Variants in CEP164 observed in about 807,000 individuals in gnomAD.
The protein encoded by CEP164 is centrosomal protein 164.
Under a neutral mutation model 182.7 loss-of-function variants are expected in CEP164, and 162 were observed. The ratio of observed to expected loss-of-function variants is 0.89; its 90% CI spans 0.78 to 1.01. The LOEUF is 1.01. CEP164 is among the 50% of genes least tolerant of loss of function. The pLI, the probability that CEP164 is intolerant of heterozygous loss-of-function variation, is 0.00. For missense variants in CEP164, 1,735 were observed against 1,790.4 expected (o/e 0.97, Z 0.56); for synonymous variants, 661 against 690.0 (o/e 0.96, Z 0.66).
At chr11:117,365,176 A>G (rs749521434) in intron 8 of CEP164, among the ~76,000 whole-genome samples, 35 of 152,256 alleles carry the variant, frequency 2.3e-4, no homozygotes, top group Admixed American at 1.1e-3. Context: ...TGGAGGAAGA[A>G]GACAATCTCT....
chr11:117,402,654 A>G (rs1188124702), intron 27 of CEP164, among the ~76,000 whole-genome samples: 1 of 152,192 alleles, frequency 6.6e-6, no homozygotes, highest in Non-Finnish European at 1.5e-5. Context: ...TAGAATAAGC[A>G]CTATGTGGTG....
chr11:117,393,684 T>C (rs1415658431), intron 20 of CEP164, among the ~76,000 whole-genome samples: 1 of 152,238 alleles, frequency 6.6e-6, no homozygotes, highest in African/African-American at 2.4e-5. Flanking sequence ...TGCAATGCTG[T>C]GTCACCAGGG....
chr11:117,329,522 A>G (rs1008524180), intron 1 of CEP164, among the ~76,000 whole-genome samples: 4 of 151,972 alleles, frequency 2.6e-5, no homozygotes, highest in African/African-American at 9.7e-5. Context: ...ATTAGCTGTG[A>G]CACCTTGGGC....
intron 5 of CEP164, 49 bp from the exon 6 acceptor site, chr11:117,361,786 A>C: frequency 1.1e-5 from 17 of 1,606,388 alleles, no homozygotes; most frequent in Non-Finnish European, 1.4e-5. Context: ...CGACACTCCC[A>C]GAGCCACCTG....
At chr11:117,374,563 A>G (rs2042543118) in intron 10 of CEP164, among the ~76,000 whole-genome samples, 1 of 152,208 alleles carries the variant, frequency 6.6e-6, no homozygotes, top group Admixed American at 6.5e-5. Flanking sequence ...CCATGGGCTT[A>G]GAAGGCAGAT....
In CEP164 at chr11:117,408,121, G is replaced by T. The variant is rs183760303; in HGVS notation, c.3609+89G>T. ...GTTGAGTTCTTTGGTCCTGCATCCG[G>T]GGGAGTTGGGCCTCTAGGGCCCAGG... On this transcript the variant is annotated intron_variant, in intron 28 of 32. Transcript: ENST00000278935. 7.5e-4 allele frequency: 715 copies of T among 959,204 alleles called. 3 individuals are homozygous for T. In the African/African-American group the frequency reaches 0.01, roughly 14 times the overall value. The allele number at this position is 959,204 out of a possible 1,614,324, so 59.4% of individuals were successfully genotyped here.
At chr11:117,326,422 G>A (rs375760684), upstream of CEP164, among the ~76,000 whole-genome samples, 171 of 151,370 alleles carry the variant, frequency 1.1e-3, no homozygotes, top group African/African-American at 4.1e-3. Context: ...TAGTAGAGAC[G>A]GGGTTTCATC....
At chr11:117,399,592 T>C (rs552729333) in intron 27 of CEP164, among the ~76,000 whole-genome samples, 1 of 152,216 alleles carries the variant, frequency 6.6e-6, no homozygotes, top group African/African-American at 2.4e-5. Context: ...TAATTTATGC[T>C]TACACCAACA....
chr11:117,380,684 A>C lies in CEP164; in HGVS notation c.1388A>C (p.Gln463Pro). The change falls in exon 12 of 33, where the codon CAG (glutamine) becomes CCG (proline). Residue 463 changes from glutamine (Q) to proline (P), a missense_variant. Coordinates refer to ENST00000278935, the MANE Select transcript of CEP164 (RefSeq NM_014956.5). ...QSSQDELQSK[Q>P]SKGLEERLSP... Reference sequence around the variant, plus strand: ...AGCCAAGATGAGCTGCAGAGCAAGCAGTCCAAAGGCCTGGAGGAGAGGTAC... The same window carrying C: ...AGCCAAGATGAGCTGCAGAGCAAGCCGTCCAAAGGCCTGGAGGAGAGGTAC... The C allele has an allele frequency of 6.2e-7, 1 of 1,607,278 alleles. No individual in the cohort carries two copies. Among genetic ancestry groups the C allele is most frequent in the Admixed American group, 1.7e-5 (1 of 59,278 alleles).
intron 14 of CEP164, chr11:117,385,507 GA>G (rs1433424018): frequency 4.6e-5 from 7 of 152,282 alleles, no homozygotes; most frequent in Non-Finnish European, 1.0e-4. Context: ...CACATGGTCT[GA>G]TGCCCCATCT....
intron 27 of CEP164, among the ~76,000 whole-genome samples, chr11:117,405,502 A>G (rs1001694423): frequency 4.6e-5 from 7 of 152,082 alleles, no homozygotes; most frequent in South Asian, 2.1e-4. Flanking sequence ...ACCAGCCCCA[A>G]TGAGATGAGC....
rs752891809 is a variant in CEP164 at position 117,393,028 on chromosome 11, C to A, written c.2518C>A (p.Arg840Ser). 1.2e-6 allele frequency: 2 copies of A among 1,613,372 alleles called. No homozygotes were observed. Among genetic ancestry groups the A allele is most frequent in the Admixed American group, 1.7e-5 (1 of 59,994 alleles). Residue 840 changes from arginine (R) to serine (S), a missense_variant, in exon 20 of 33, where the codon CGC (arginine) becomes AGC (serine). By Grantham distance (110) the Arg-to-Ser change is moderately radical. Transcript: ENST00000278935. ...HELSSLLREK[R>S]QEVEGEHERR... ...GCTCAGCAGTCTCCTGCGAGAGAAG[C>A]GCCAGGAAGTGGAAGGGGAGCATGA...
intron 26 of CEP164, 31 bp from the exon 27 acceptor site, chr11:117,397,060 C>A (rs769893640): frequency 1.9e-6 from 3 of 1,595,512 alleles, no homozygotes; most frequent in Non-Finnish European, 2.6e-6. Context: ...TTAGAGGCTT[C>A]TGTTTTCCTT....
intron 20 of CEP164, 83 bp downstream of exon 20, chr11:117,393,209 A>ATGCAC: frequency 1.3e-6 from 2 of 1,517,328 alleles, no homozygotes; most frequent in Non-Finnish European, 1.8e-6. Flanking sequence ...GCACACACAC[A>ATGCAC]TGCACGCACA....
At position 117,396,030 on chromosome 11, in the gene CEP164, TCTCA is replaced by T. The variant is rs904886126; in HGVS notation, c.3090-19_3090-16del. ...CCCCATCGCCAGCCGCTGCCCTGCCTCTCACTCATCTTTCCTTCCACAGCAGCCT... is the reference window on the plus strand; with the variant it reads ...CCCCATCGCCAGCCGCTGCCCTGCCTCTCATCTTTCCTTCCACAGCAGCCT... On this transcript the variant is annotated intron_variant, in intron 24 of 32. Coordinates refer to ENST00000278935, the MANE Select transcript of CEP164 (RefSeq NM_014956.5). 1.2e-6 allele frequency: 2 copies of T among 1,613,972 alleles called. No individual in the cohort carries two copies. The highest frequency in any genetic ancestry group is 1.7e-6 in the Non-Finnish European group (2 of 1,179,942).
chr11:117,391,792 T>G (rs1173508300), intron 17 of CEP164, among the ~76,000 whole-genome samples: 2 of 152,206 alleles, frequency 1.3e-5, no homozygotes, highest in African/African-American at 4.8e-5. Flanking sequence ...TGTAGTACAG[T>G]GCACTTCCCT....
chr11:117,327,499 A>G (rs1397340768), upstream of CEP164, among the ~76,000 whole-genome samples: 4 of 119,616 alleles, frequency 3.3e-5, no homozygotes, highest in Non-Finnish European at 6.7e-5. Flanking sequence ...AAGGGGTTTC[A>G]CCATGTTGGT....
In CEP164 at chr11:117,391,062, G is replaced by A; in HGVS notation, c.2130G>A (p.Glu710=). Residue 710 remains glutamate, a synonymous_variant, in exon 17 of 33, where the codon GAG becomes GAA. Coordinates refer to ENST00000278935, the MANE Select transcript of CEP164 (RefSeq NM_014956.5). ...REELESQQKA[E]RASLEQKNRQ... is the part of the protein sequence containing the mutation. ...AGTTGGAGTCTCAACAGAAGGCTGA[G>A]AGGGCCAGCTTGGAACAGAAAAATA... The A allele has an allele frequency of 1.2e-6, 2 of 1,614,192 alleles. No individual in the cohort carries two copies. The highest frequency in any genetic ancestry group is 2.2e-5 in the South Asian group (2 of 91,082).
chr11:117,354,668 C>T lies in CEP164; in HGVS notation c.393+2680C>T, dbSNP rs555994227. ...GCCTAGAAAACAACATATTTTCAGC[C>T]CAAGGGAGTTTTTATCTTTTCTTCC... On this transcript the variant is annotated intron_variant, in intron 5 of 32. Coordinates refer to ENST00000278935, the MANE Select transcript of CEP164 (RefSeq NM_014956.5). 4.6e-5 allele frequency among the ~76,000 whole-genome samples: 7 copies of T among 151,958 alleles called. No homozygotes were observed. The South Asian group carries it at 1.5e-3, about 32-fold the overall frequency.
Sources: gnomAD v4.1 joint callset for allele counts (sites outside exome capture counted in the v4.1 genomes callset) on GRCh38, gnomAD v4.1.1 for gene constraint, MANE v1.5 for transcripts, NCBI Gene and HGNC (gene_info 2026-07-23, HGNC 2026-07-21) for gene names.